Variants in MRRF observed in about 807,000 individuals in gnomAD.
The protein encoded by MRRF is mitochondrial ribosome recycling factor.
A neutral mutation model predicts 25.1 loss-of-function variants in MRRF; 18 were observed. That is an observed-to-expected ratio of 0.72 (90% CI 0.50 to 1.06). The LOEUF (loss-of-function observed/expected upper bound fraction) is 1.06, where lower values mean the gene tolerates loss of function less well. Among genes scored for constraint, MRRF ranks in the 50% least tolerant of loss-of-function variants. The probability of loss-of-function intolerance (pLI) is 0.00; values close to 1 mark genes in which losing one functional copy is unlikely to be tolerated. For missense variants in MRRF, 323 were observed against 319.3 expected, an observed-to-expected ratio of 1.01 and a Z score of -0.09; for synonymous variants, 113 against 112.1, an observed-to-expected ratio of 1.01 and a Z score of -0.05.
chr9:122,266,303 C>CA lies in MRRF; in HGVS notation c.-29+1366dup, dbSNP rs527241125. On this transcript the variant is annotated intron_variant, in intron 1 of 6. Coordinates refer to ENST00000344641, the MANE Select transcript of MRRF (RefSeq NM_138777.5). ...GATGAAGTAAAGGGTGCTATGAAAGCAGACTACAGGACACTTGACCTAGTT... is the reference window on the plus strand; with the variant it reads ...GATGAAGTAAAGGGTGCTATGAAAGCAAGACTACAGGACACTTGACCTAGTT... Among the ~76,000 whole-genome samples, 141 of 152,290 alleles carry CA rather than the reference C, an allele frequency of 9.3e-4. 4 individuals are homozygous for CA. The highest frequency in any genetic ancestry group is 2.6e-4 in the Non-Finnish European group (18 of 68,028).
intron 5 of MRRF, among the ~76,000 whole-genome samples, chr9:122,298,549 C>T (rs1322218053): frequency 6.6e-6 from 1 of 152,194 alleles, no homozygotes; most frequent in African/African-American, 2.4e-5. Flanking sequence ...TGTCGGTCTT[C>T]AATCCTCTTC....
At chr9:122,304,571 G>GC (rs1322545046) in intron 5 of MRRF, among the ~76,000 whole-genome samples, 1 of 152,138 alleles carries the variant, frequency 6.6e-6, no homozygotes, top group Non-Finnish European at 1.5e-5. Context: ...TCTTGTCTCT[G>GC]CCCCTCCTCT....
In MRRF at chr9:122,325,781, C is replaced by G. The variant is rs1057305750; in HGVS notation, c.*3164C>G. On this transcript the variant is annotated 3_prime_UTR_variant, in exon 7 of 7. Coordinates refer to ENST00000344641, the MANE Select transcript of MRRF (RefSeq NM_138777.5). ...ATTAGGTATATATCTTTCCAGACCT[C>G]CTTTCTCTGTGCATATATGTGTGTG... 2.7e-5 allele frequency: 4 copies of G among 145,740 alleles called. No individual in the cohort carries two copies. Among genetic ancestry groups the G allele is most frequent in the African/African-American group, 1.0e-4 (4 of 38,716 alleles). The allele number at this position is 145,740 out of a possible 1,614,324, so 9.0% of individuals were successfully genotyped here.
At chr9:122,277,459 T>C (rs1174832296) in intron 2 of MRRF, among the ~76,000 whole-genome samples, 1 of 152,220 alleles carries the variant, frequency 6.6e-6, no homozygotes, top group Non-Finnish European at 1.5e-5. Context: ...TTTTTAAAAA[T>C]CTTACTGAGA....
rs1470522144 is a variant in MRRF, at chr9:122,292,185, G to A, written c.551+345G>A. 5.3e-5 allele frequency among the ~76,000 whole-genome samples: 8 copies of A among 152,296 alleles called. No homozygotes were observed. The East Asian group carries it at 1.5e-3, about 29-fold the overall frequency. On this transcript the variant is annotated intron_variant, in intron 5 of 6. Coordinates refer to ENST00000344641, the MANE Select transcript of MRRF (RefSeq NM_138777.5). ...ATCCAATAGAGAGTGACTTGGTAAG[G>A]ATGATGGTGGCAGGGGCACCTGTAG...
At chr9:122,270,712 T>C (rs1349201687) in intron 1 of MRRF, 152 bp from the exon 2 acceptor site, 27 of 651,960 alleles carry the variant, frequency 4.1e-5, no homozygotes, top group Non-Finnish European at 6.9e-5. Flanking sequence ...TCTAGGGCTG[T>C]TGGGAAAAGG....
In MRRF at chr9:122,304,947, CT is replaced by C. The variant is rs112917626; in HGVS notation, c.552-8268del. On this transcript the variant is annotated intron_variant, in intron 5 of 6. Coordinates refer to ENST00000344641, the MANE Select transcript of MRRF (RefSeq NM_138777.5). ...GATCTGTCTGAACCCCCACTTCCCA[CT>C]TTTTTTTTTTTCCAGACAGGGTCTT... Among the ~76,000 whole-genome samples the C allele has an allele frequency of 4.1e-3, 604 of 146,224 alleles. 2 individuals carry two copies. Among genetic ancestry groups the C allele is most frequent in the African/African-American group, 0.011 (441 of 40,276 alleles).
At chr9:122,286,482 A>T (rs1833416165) in intron 4 of MRRF, among the ~76,000 whole-genome samples, 1 of 152,180 alleles carries the variant, frequency 6.6e-6, no homozygotes, top group African/African-American at 2.4e-5. Flanking sequence ...AGGTTAGAGG[A>T]TCACTTGAAG....
intron 3 of MRRF, among the ~76,000 whole-genome samples, chr9:122,283,195 G>A (rs765996345): frequency 1.8e-4 from 27 of 151,246 alleles, no homozygotes; most frequent in Non-Finnish European, 3.5e-4. Context: ...CCGGGTTCAA[G>A]CGATTCTCCT....
intron 6 of MRRF, among the ~76,000 whole-genome samples, chr9:122,313,611 T>C (rs1835335257): frequency 6.6e-6 from 1 of 152,218 alleles, no homozygotes; most frequent in African/African-American, 2.4e-5. Context: ...CTGAACACTT[T>C]ATATTACTTC....
At position 122,313,267 on chromosome 9, in the gene MRRF, A is replaced by G. The variant is rs1378635709; in HGVS notation, c.592A>G (p.Lys198Glu). The change falls in exon 6 of 7, where the codon AAA becomes GAA. Residue 198 changes from lysine (K) to glutamate (E), a missense_variant. Coordinates refer to ENST00000344641, the MANE Select transcript of MRRF (RefSeq NM_138777.5). The part of the protein sequence containing the change: ...EHREMLVKLA[K>E]QNTNKAKDSL... ...CAGAGAAATGCTGGTGAAACTGGCCAAACAGAACACCAACAAGGCCAAAGA... is the reference window on the plus strand; with the variant it reads ...CAGAGAAATGCTGGTGAAACTGGCCGAACAGAACACCAACAAGGCCAAAGA... 7 of 1,614,024 alleles carry G rather than the reference A, an allele frequency of 4.3e-6. No homozygotes were observed. The highest frequency in any genetic ancestry group is 5.9e-6 in the Non-Finnish European group (7 of 1,179,976).
chr9:122,277,912 T>TA (rs1007016326), intron 2 of MRRF, among the ~76,000 whole-genome samples: 1 of 152,092 alleles, frequency 6.6e-6, no homozygotes, highest in East Asian at 1.9e-4. Flanking sequence ...AATGCATATT[T>TA]AAAAATTTTT....
chr9:122,272,002 T>A (rs1178440193), intron 2 of MRRF, among the ~76,000 whole-genome samples: 1 of 152,172 alleles, frequency 6.6e-6, no homozygotes, highest in Non-Finnish European at 1.5e-5. Context: ...CTTAGAAGAG[T>A]TATATTCTGT....
At chr9:122,321,817 A>G (rs1481164437) in intron 6 of MRRF, among the ~76,000 whole-genome samples, 1 of 151,622 alleles carries the variant, frequency 6.6e-6, no homozygotes, top group Non-Finnish European at 1.5e-5. Flanking sequence ...GGCTTTATAT[A>G]CAAAGTATTT....
chr9:122,307,035 C>G (rs1398848187), intron 5 of MRRF, among the ~76,000 whole-genome samples: 1 of 152,162 alleles, frequency 6.6e-6, no homozygotes, highest in African/African-American at 2.4e-5. Flanking sequence ...CTTTATGAGA[C>G]ATTAATGTAC....
At chr9:122,288,652 T>C (rs1833562400) in intron 4 of MRRF, among the ~76,000 whole-genome samples, 2 of 152,362 alleles carry the variant, frequency 1.3e-5, no homozygotes, top group South Asian at 4.1e-4. Context: ...TTTCATAGAC[T>C]ACATTCTAAG....
intron 5 of MRRF, among the ~76,000 whole-genome samples, chr9:122,301,234 C>T (rs374477837): frequency 4.6e-5 from 7 of 152,306 alleles, no homozygotes; most frequent in African/African-American, 1.7e-4. Flanking sequence ...TCCACCCCGC[C>T]GTCCCTCATA....
intron 5 of MRRF, among the ~76,000 whole-genome samples, chr9:122,302,324 C>T (rs1834525323): frequency 1.3e-5 from 2 of 152,172 alleles, no homozygotes. Context: ...AGACACTCTA[C>T]CCACCAGCAG....
At chr9:122,290,823 T>C (rs1297499804) in intron 4 of MRRF, among the ~76,000 whole-genome samples, 1 of 152,076 alleles carries the variant, frequency 6.6e-6, no homozygotes, top group African/African-American at 2.4e-5. Context: ...CTTTGGGAAA[T>C]GGGTGTGCCA....
Sources: allele counts gnomAD v4.1 joint callset (sites outside exome capture counted in the v4.1 genomes callset), GRCh38; gene constraint gnomAD v4.1.1; transcripts MANE v1.5; gene names NCBI Gene and HGNC (gene_info 2026-07-23, HGNC 2026-07-21).